LGSN: variants seen among roughly 807,000 people sequenced by gnomAD.
LGSN encodes the protein lengsin, lens protein with glutamine synthetase domain.
Under a neutral mutation model 19.5 loss-of-function variants are expected in LGSN, and 21 were observed. That is an observed-to-expected ratio of 1.07 (90% confidence interval 0.76 to 1.55). The LOEUF (loss-of-function observed/expected upper bound fraction) is 1.55, where lower values mean the gene tolerates loss of function less well. Among genes scored for constraint, LGSN ranks in the 40% most tolerant of loss-of-function variants. The pLI is 0.00. For missense variants in LGSN, 673 were observed against 608.5 expected, an observed-to-expected ratio of 1.11 and a Z score of -1.12; for synonymous variants, 257 against 215.6, an observed-to-expected ratio of 1.19 and a Z score of -1.68.
the LGSN span, among the ~76,000 whole-genome samples, chr6:63,513,910 CAAAAAAAAAAAAA>C: frequency 2.8e-4 from 3 of 10,682 alleles, no homozygotes; most frequent in Admixed American, 2.5e-3. Context: ...GACTTCATCT[CAAAAAAAAAAAAA>C]AAAAAAAAAA....
At chr6:63,393,680 C>T in the LGSN span, among the ~76,000 whole-genome samples, 1 of 152,196 alleles carries the variant, frequency 6.6e-6, no homozygotes, top group Non-Finnish European at 1.5e-5. Context: ...TCTGGCCCAT[C>T]CACTGCTGGC....
At chr6:63,386,958 A>G in the LGSN span, among the ~76,000 whole-genome samples, 1 of 152,094 alleles carries the variant, frequency 6.6e-6, no homozygotes, top group Admixed American at 6.6e-5. Flanking sequence ...AAAATCAGCC[A>G]GACATGGTGG....
chr6:63,412,772 G>GAAAGAAAGAAAGAAAGAAACAAAGA, the LGSN span, among the ~76,000 whole-genome samples: 1 of 41,152 alleles, frequency 2.4e-5, no homozygotes, highest in Non-Finnish European at 4.4e-5. Flanking sequence ...AGAAAGAAAG[G>GAAAGAAAGAAAGAAAGAAACAAAGA]AAGGAAGGGA....
chr6:63,432,093 GAAAGAAAGAAAGAAAGAAA>G, the LGSN span, among the ~76,000 whole-genome samples: 7 of 16,306 alleles, frequency 4.3e-4, no homozygotes, highest in African/African-American at 8.0e-4. Flanking sequence ...AAGAAGGAAA[GAAAGAAAGAAAGAAAGAAA>G]GAAAGAAAGA....
At chr6:63,492,074 G>A in the LGSN span, among the ~76,000 whole-genome samples, 8 of 151,754 alleles carry the variant, frequency 5.3e-5, no homozygotes, top group South Asian at 6.2e-4. Context: ...TGTCATTCTG[G>A]TTCTACTTCA....
chr6:63,463,077 G>T, the LGSN span, among the ~76,000 whole-genome samples: 6 of 152,158 alleles, frequency 3.9e-5, no homozygotes, highest in African/African-American at 1.4e-4. Flanking sequence ...ACAGACTGAA[G>T]CTAGACACTT....
chr6:63,519,451 G>T, the LGSN span, among the ~76,000 whole-genome samples: 1 of 152,156 alleles, frequency 6.6e-6, no homozygotes, highest in Admixed American at 6.5e-5. Flanking sequence ...TCAGGTAAGG[G>T]ATGTGAAACT....
At chr6:63,430,311 C>T in the LGSN span, among the ~76,000 whole-genome samples, 1 of 152,184 alleles carries the variant, frequency 6.6e-6, no homozygotes, top group African/African-American at 2.4e-5. Context: ...GGGGTGAGAA[C>T]AGCTGGTCTC....
At chr6:63,425,246 C>A in the LGSN span, among the ~76,000 whole-genome samples, 1 of 152,172 alleles carries the variant, frequency 6.6e-6, no homozygotes, top group Non-Finnish European at 1.5e-5. Context: ...TACTGTACAA[C>A]CCAGCAACTG....
At chr6:63,480,984 T>TATATATATAC in the LGSN span, among the ~76,000 whole-genome samples, 1 of 36,370 alleles carries the variant, frequency 2.7e-5, no homozygotes, top group African/African-American at 5.5e-5. Flanking sequence ...TATATATATA[T>TATATATATAC]ATACACACAC....
the LGSN span, among the ~76,000 whole-genome samples, chr6:63,432,088 GGAAA>G: frequency 0.11 from 4,896 of 44,556 alleles, 405 homozygotes; most frequent in Middle Eastern, 0.14. Context: ...AGAAAAAGAA[GGAAA>G]GAAAGAAAGA....
the LGSN span, among the ~76,000 whole-genome samples, chr6:63,335,086 G>A: frequency 6.7e-6 from 1 of 150,076 alleles, no homozygotes; most frequent in African/African-American, 2.5e-5. Flanking sequence ...GGAGGTTGCA[G>A]TGAGCCGAGA....
the LGSN span, among the ~76,000 whole-genome samples, chr6:63,469,893 T>C: frequency 6.6e-6 from 1 of 152,084 alleles, no homozygotes; most frequent in African/African-American, 2.4e-5. Flanking sequence ...ATTTTGTATT[T>C]TTAGTAGAGA....
the LGSN span, among the ~76,000 whole-genome samples, chr6:63,403,930 T>A: frequency 1.3e-4 from 19 of 151,136 alleles, no homozygotes; most frequent in African/African-American, 4.7e-4. Context: ...CATGAGAGAC[T>A]TGCTAGCCTC....
At chr6:63,555,979 C>T in the LGSN span, among the ~76,000 whole-genome samples, 12 of 151,926 alleles carry the variant, frequency 7.9e-5, no homozygotes, top group African/African-American at 1.2e-4. Context: ...GAGTGAGCCA[C>T]CGTACCTGGC....
chr6:63,495,007 G>A, the LGSN span, among the ~76,000 whole-genome samples: 4 of 151,948 alleles, frequency 2.6e-5, no homozygotes, highest in Non-Finnish European at 5.9e-5. Context: ...TTATGCCTTT[G>A]AGGGTGAGGG....
chr6:63,551,540 AT>A, the LGSN span, among the ~76,000 whole-genome samples: 32 of 151,940 alleles, frequency 2.1e-4, no homozygotes, highest in African/African-American at 5.5e-4. Context: ...TATTAAGTTC[AT>A]TTTTTTTAAT....
the LGSN span, among the ~76,000 whole-genome samples, chr6:63,458,272 A>C: frequency 6.6e-6 from 1 of 151,992 alleles, no homozygotes; most frequent in Non-Finnish European, 1.5e-5. Flanking sequence ...TCTCCATGTT[A>C]GTCAGGCTGG....
At chr6:63,347,425 T>C in the LGSN span, among the ~76,000 whole-genome samples, 1 of 152,204 alleles carries the variant, frequency 6.6e-6, no homozygotes, top group Non-Finnish European at 1.5e-5. Context: ...TACTATTGAT[T>C]TAGGTCTTCT....
Sources: gnomAD v4.1 joint callset for allele counts (sites outside exome capture counted in the v4.1 genomes callset) on GRCh38, gnomAD v4.1.1 for gene constraint, MANE v1.5 for transcripts, NCBI Gene and HGNC (gene_info 2026-07-23, HGNC 2026-07-21) for gene names.